Variants in ACSM2B observed in about 807,000 individuals in gnomAD.
ACSM2B encodes acyl-CoA synthetase medium chain family member 2B, also known as acyl-coenzyme A synthetase ACSM2B, mitochondrial.
ACSM2B carries 58 observed loss-of-function variants against 78.6 expected under a neutral mutation model. The observed-to-expected ratio is 0.74, with a 90% confidence interval of 0.60 to 0.92. The LOEUF is 0.92. Ranked by LOEUF, ACSM2B falls within the 40% of genes least tolerant of loss-of-function variation. The probability of loss-of-function intolerance (pLI) is 0.00; values close to 1 mark genes in which losing one functional copy is unlikely to be tolerated. For missense variants in ACSM2B, 688 were observed against 711.2 expected (o/e 0.97, Z 0.37); for synonymous variants, 257 against 256.8 (o/e 1.00, Z -0.01).
At chr16:20,567,664 C>A (rs2015965692) in intron 1 of ACSM2B, among the ~76,000 whole-genome samples, 2 of 134,500 alleles carry the variant, frequency 1.5e-5, no homozygotes, top group South Asian at 4.3e-4. Flanking sequence ...TATATATATA[C>A]TATACTATTA....
chr16:20,544,304 A>G (rs891260779), intron 10 of ACSM2B, among the ~76,000 whole-genome samples: 1 of 152,196 alleles, frequency 6.6e-6, no homozygotes, highest in African/African-American at 2.4e-5. Flanking sequence ...CAACTTACAG[A>G]TGAGGAAACT....
chr16:20,540,986 A>G, intron 12 of ACSM2B: 1 of 537,406 alleles, frequency 1.9e-6, no homozygotes, highest in South Asian at 3.3e-5. Flanking sequence ...TGGACAATAG[A>G]TTGAGACCAG....
At chr16:20,548,813 T>A (rs2015221335) in intron 6 of ACSM2B, among the ~76,000 whole-genome samples, 1 of 152,140 alleles carries the variant, frequency 6.6e-6, no homozygotes, top group Admixed American at 6.5e-5. Flanking sequence ...CAAGGGAAGA[T>A]CAGCTGCCTG....
intron 4 of ACSM2B, 145 bp from the exon 5 acceptor site, chr16:20,554,065 T>C (rs2015397098): frequency 6.6e-6 from 8 of 1,217,512 alleles, no homozygotes; most frequent in South Asian, 3.9e-5. Flanking sequence ...GTGATTAAGA[T>C]CATGGGAGCC....
chr16:20,543,909 A>T lies in ACSM2B; in HGVS notation c.1282-647T>A, dbSNP rs147278529. On this transcript the variant is annotated intron_variant, in intron 10 of 13. Transcript: ENST00000329697. ...TTCTTAGCCTCACTCCATCATTGGGAATATAGGGATACTGATGATCAGAGA... is the reference window on the plus strand; with the variant it reads ...TTCTTAGCCTCACTCCATCATTGGGTATATAGGGATACTGATGATCAGAGA... Among the ~76,000 whole-genome samples, 550 of 152,262 alleles carry T rather than the reference A, an allele frequency of 3.6e-3. 8 individuals carry two copies. The highest frequency in any genetic ancestry group is 4.5e-3 in the Non-Finnish European group (304 of 68,018).
rs377465756 is a variant in ACSM2B at position 20,558,233 on chromosome 16, A to G, written c.388+1004T>C. On this transcript the variant is annotated intron_variant, in intron 3 of 13. Transcript: ENST00000329697. ...CTACCCAGATCAGTAACTGATACCA[A>G]GAAACTAACTCAACCAGTTCTGTGA... Among the ~76,000 whole-genome samples, 170 of 152,152 alleles carry G rather than the reference A, an allele frequency of 1.1e-3. 5 individuals carry two copies. The South Asian group carries it at 0.034, about 31-fold the overall frequency.
intron 12 of ACSM2B, among the ~76,000 whole-genome samples, chr16:20,541,499 A>G (rs906339853): frequency 1.7e-4 from 26 of 151,934 alleles, no homozygotes; most frequent in African/African-American, 2.9e-4. Flanking sequence ...CAGGGGCTCT[A>G]TCCTTTGGCT....
chr16:20,560,546 G>A (rs542455591), intron 2 of ACSM2B, among the ~76,000 whole-genome samples: 1 of 152,008 alleles, frequency 6.6e-6, no homozygotes, highest in East Asian at 1.9e-4. Flanking sequence ...CACACTTCCT[G>A]TACACTGTGC....
At chr16:20,540,898 C>T in intron 12 of ACSM2B, 125 bp from the exon 13 acceptor site, 2 of 1,409,032 alleles carry the variant, frequency 1.4e-6, no homozygotes, top group Non-Finnish European at 1.9e-6. Context: ...CCCGGTGATC[C>T]AGGTCAAGGG....
At chr16:20,554,656 C>T (rs1223319966) in intron 4 of ACSM2B, among the ~76,000 whole-genome samples, 2 of 152,194 alleles carry the variant, frequency 1.3e-5, no homozygotes, top group Non-Finnish European at 2.9e-5. Flanking sequence ...ATGGAAAGGC[C>T]TCTGACCTTG....
intron 8 of ACSM2B, chr16:20,547,054 A>G: frequency 1.1e-6 from 1 of 904,414 alleles, no homozygotes; most frequent in South Asian, 4.0e-5. Context: ...TGAGTGGTGG[A>G]TGCCTCACTG....
chr16:20,557,620 A>G (rs1288478434), intron 3 of ACSM2B, among the ~76,000 whole-genome samples: 5 of 152,208 alleles, frequency 3.3e-5, no homozygotes, highest in Non-Finnish European at 2.9e-5. Context: ...CAATCCATCA[A>G]TCATTTCCCA....
Position 20,556,262 on chromosome 16 carries a change from A to C in ACSM2B, c.389-786T>G, listed in dbSNP as rs560845570. 2.0e-3 allele frequency among the ~76,000 whole-genome samples: 298 copies of C among 152,302 alleles called. 3 individuals are homozygous for C. Among genetic ancestry groups the C allele is most frequent in the Non-Finnish European group, 3.2e-3 (219 of 68,026 alleles). On this transcript the variant is annotated intron_variant, in intron 3 of 13. Coordinates refer to ENST00000329697, the MANE Select transcript of ACSM2B (RefSeq NM_001105069.2). ...CTTTCCTAAATTCTTGTTCTTCTTT[A>C]CTATTTTAATGAGACTCCTTTGATT...
Position 20,555,460 on chromosome 16 carries a change from A to G in ACSM2B, c.405T>C (p.Pro135=). 6.2e-7 allele frequency: 1 copy of G among 1,613,158 alleles called. No homozygotes were observed. The highest frequency in any genetic ancestry group is 8.5e-7 in the Non-Finnish European group (1 of 1,179,230). Residue 135 remains proline, a synonymous_variant, in exon 4 of 14, where the codon CCT becomes CCC. Coordinates refer to ENST00000329697, the MANE Select transcript of ACSM2B (RefSeq NM_001105069.2). ...CAGTGGATTTCATCTGGATGGTTCC[A>G]GGCATAAAGATGAGACCTAAAGAAG... ...GCIRAGLIFM[P]GTIQMKSTDI... is the part of the protein sequence containing the mutation.
chr16:20,575,763 A>G (rs1478015545), intron 1 of ACSM2B: 2 of 149,396 alleles, frequency 1.3e-5, no homozygotes, highest in African/African-American at 2.4e-5. Flanking sequence ...GACACTCAGT[A>G]TTAACCATCA....
intron 1 of ACSM2B, 29 bp from the exon 2 acceptor site, chr16:20,564,882 G>A (rs766982448): frequency 2.5e-6 from 4 of 1,581,164 alleles, no homozygotes; most frequent in Non-Finnish European, 3.4e-6. Flanking sequence ...ACACAGGTAA[G>A]AGCTTCTTTA....
chr16:20,566,758 A>G (rs1355602613), intron 1 of ACSM2B, among the ~76,000 whole-genome samples: 2 of 87,482 alleles, frequency 2.3e-5, no homozygotes, highest in African/African-American at 6.0e-5. Flanking sequence ...TACTATATAT[A>G]GTATATATAG....
At chr16:20,547,794 T>A (rs2152134900) in intron 8 of ACSM2B, 1 of 1,033,232 alleles carries the variant, frequency 9.7e-7, no homozygotes, top group East Asian at 3.9e-5. Context: ...TTCCATCGCA[T>A]TTCTCACCAC....
chr16:20,543,500 G>C (rs533932057), intron 10 of ACSM2B, among the ~76,000 whole-genome samples: 12 of 152,196 alleles, frequency 7.9e-5, no homozygotes, highest in Non-Finnish European at 1.6e-4. Flanking sequence ...GGTCCAGTCT[G>C]ATGGATATTA....
Sources: allele counts gnomAD v4.1 joint callset (sites outside exome capture counted in the v4.1 genomes callset), GRCh38; gene constraint gnomAD v4.1.1; transcripts MANE v1.5; gene names NCBI Gene and HGNC (gene_info 2026-07-23, HGNC 2026-07-21).